PDE1A: variants seen among roughly 807,000 people sequenced by gnomAD.
PDE1A encodes the protein dual specificity calcium/calmodulin-dependent 3',5'-cyclic nucleotide phosphodiesterase 1A.
A neutral mutation model predicts 61.7 loss-of-function variants in PDE1A; 35 were observed. The observed-to-expected ratio is 0.57, with a 90% CI of 0.43 to 0.75. The LOEUF (loss-of-function observed/expected upper bound fraction) is 0.75. Among genes scored for constraint, PDE1A ranks in the 30% least tolerant of loss-of-function variants. The pLI, the probability that PDE1A is intolerant of heterozygous loss-of-function variation, is 0.00. For missense variants in PDE1A, 597 were observed against 630.6 expected, an observed-to-expected ratio of 0.95 and a Z score of 0.57; for synonymous variants, 232 against 213.2, an observed-to-expected ratio of 1.09 and a Z score of -0.77.
chr2:182,540,585 G>A, the PDE1A span, among the ~76,000 whole-genome samples: 5 of 151,954 alleles, frequency 3.3e-5, no homozygotes, highest in Non-Finnish European at 7.4e-5. Flanking sequence ...TAGTGTCTGA[G>A]TTAACCAAAT....
chr2:182,665,767 A>G, the PDE1A span, among the ~76,000 whole-genome samples: 1 of 152,192 alleles, frequency 6.6e-6, no homozygotes, highest in African/African-American at 2.4e-5. Context: ...ACATGCACAC[A>G]TATGTTTATT....
intron 13 of PDE1A, among the ~76,000 whole-genome samples, chr2:182,177,241 G>A (rs1335759294): frequency 6.6e-6 from 1 of 152,114 alleles, no homozygotes; most frequent in Non-Finnish European, 1.5e-5. Context: ...CTATTGATTG[G>A]AATAGTTTCG....
At chr2:182,276,045 A>T (rs1012489560) in intron 1 of PDE1A, among the ~76,000 whole-genome samples, 3 of 152,100 alleles carry the variant, frequency 2.0e-5, no homozygotes, top group African/African-American at 7.2e-5. Context: ...GGAATCTAAG[A>T]GATATAAAAT....
intron 1 of PDE1A, among the ~76,000 whole-genome samples, chr2:182,403,807 G>C (rs1433502886): frequency 6.6e-6 from 1 of 151,784 alleles, no homozygotes; most frequent in Non-Finnish European, 1.5e-5. Flanking sequence ...AACAGGCAGG[G>C]GAACATCACA....
At chr2:182,246,631 C>T (rs946874454) in intron 2 of PDE1A, among the ~76,000 whole-genome samples, 7 of 151,972 alleles carry the variant, frequency 4.6e-5, no homozygotes, top group Admixed American at 1.3e-4. Flanking sequence ...TGGTCTCAAA[C>T]TCTTGACCTC....
intron 10 of PDE1A, among the ~76,000 whole-genome samples, chr2:182,196,583 A>G (rs914266368): frequency 3.3e-5 from 5 of 151,866 alleles, no homozygotes; most frequent in African/African-American, 1.2e-4. Context: ...GATATAGAGC[A>G]TTTCCATTAC....
At chr2:182,532,246 TATACCCA>T in the PDE1A span, among the ~76,000 whole-genome samples, 3 of 152,186 alleles carry the variant, frequency 2.0e-5, no homozygotes, top group Admixed American at 6.5e-5. Context: ...GGATATTAAA[TATACCCA>T]ATACAAAGAA....
At chr2:182,150,554 AG>A (rs1483070426) in intron 13 of PDE1A, among the ~76,000 whole-genome samples, 1 of 152,256 alleles carries the variant, frequency 6.6e-6, no homozygotes, top group African/African-American at 2.4e-5. Context: ...CAGGAAAAAC[AG>A]TGAAAATAAA....
intron 13 of PDE1A, among the ~76,000 whole-genome samples, chr2:182,150,103 T>C (rs1320702538): frequency 2.0e-5 from 3 of 152,166 alleles, no homozygotes; most frequent in African/African-American, 4.8e-5. Context: ...TAAATATAAG[T>C]GTATAATAGG....
At chr2:182,539,071 T>C in the PDE1A span, among the ~76,000 whole-genome samples, 2 of 152,188 alleles carry the variant, frequency 1.3e-5, no homozygotes, top group Non-Finnish European at 2.9e-5. Context: ...GTATGACTTT[T>C]TCCCCACACT....
the PDE1A span, among the ~76,000 whole-genome samples, chr2:182,613,745 G>A: frequency 6.6e-6 from 1 of 152,126 alleles, no homozygotes; most frequent in South Asian, 2.1e-4. Flanking sequence ...CTTATTAGCT[G>A]TTCATTTTGA....
intron 2 of PDE1A, among the ~76,000 whole-genome samples, chr2:182,260,683 CG>C (rs1692159314): frequency 6.6e-6 from 1 of 152,122 alleles, no homozygotes; most frequent in East Asian, 1.9e-4. Flanking sequence ...GATACTCCCA[CG>C]GTAGCCATTT....
chr2:182,508,959 C>G (rs971555021), intron 2 of PDE1A, among the ~76,000 whole-genome samples: 12 of 146,216 alleles, frequency 8.2e-5, no homozygotes, highest in Middle Eastern at 3.5e-3. Flanking sequence ...ATCCCTCCCC[C>G]CTACCCCCAG....
chr2:182,420,837 G>A (rs531973191), intron 1 of PDE1A, among the ~76,000 whole-genome samples: 1 of 152,212 alleles, frequency 6.6e-6, no homozygotes, highest in African/African-American at 2.4e-5. Flanking sequence ...AACTTGCCCC[G>A]TACATTTCCA....
intron 1 of PDE1A, among the ~76,000 whole-genome samples, chr2:182,400,541 G>C (rs1477232915): frequency 6.6e-6 from 1 of 152,084 alleles, no homozygotes; most frequent in Non-Finnish European, 1.5e-5. Flanking sequence ...CATCTCCTTA[G>C]ATGCTGCAAC....
chr2:182,614,652 G>A, the PDE1A span, among the ~76,000 whole-genome samples: 3 of 151,266 alleles, frequency 2.0e-5, no homozygotes, highest in Admixed American at 2.0e-4. Context: ...CCACCTCCTG[G>A]GTTCAAGCAA....
the PDE1A span, among the ~76,000 whole-genome samples, chr2:182,546,540 GT>G: frequency 6.6e-6 from 1 of 152,272 alleles, no homozygotes; most frequent in Non-Finnish European, 1.5e-5. Context: ...TGAAAGCCAC[GT>G]GGATAACGAA....
At chr2:182,413,068 G>C (rs1034975875) in intron 1 of PDE1A, among the ~76,000 whole-genome samples, 9 of 152,146 alleles carry the variant, frequency 5.9e-5, no homozygotes, top group Non-Finnish European at 1.3e-4. Context: ...GTAGACAAAG[G>C]CTTAGGAAGG....
intron 1 of PDE1A, among the ~76,000 whole-genome samples, chr2:182,285,279 T>A (rs932320868): frequency 1.3e-5 from 2 of 152,130 alleles, no homozygotes; most frequent in Admixed American, 6.6e-5. Flanking sequence ...TTTCTTGTTT[T>A]CTCTGGCATC....
Sources: gnomAD v4.1 joint callset for allele counts (sites outside exome capture counted in the v4.1 genomes callset) on GRCh38, gnomAD v4.1.1 for gene constraint, MANE v1.5 for transcripts, NCBI Gene and HGNC (gene_info 2026-07-23, HGNC 2026-07-21) for gene names.